Variants in SMIM36 observed in about 807,000 individuals in gnomAD.
SMIM36 encodes small integral membrane protein 36.
chr17:55,496,938 T>A (rs1909818767), intron 1 of SMIM36, among the ~76,000 whole-genome samples: 1 of 152,178 alleles, frequency 6.6e-6, no homozygotes, highest in South Asian at 2.1e-4. Flanking sequence ...AAAATAAAAA[T>A]AACGGTTCCT....
intron 1 of SMIM36, among the ~76,000 whole-genome samples, chr17:55,505,202 G>T (rs1161767349): frequency 6.1e-4 from 59 of 95,982 alleles, no homozygotes; most frequent in African/African-American, 2.5e-3. Flanking sequence ...TAGAAAAAGA[G>T]GGAATCCTCC....
chr17:55,461,894 G>A (rs1466124576), intron 4 of SMIM36, among the ~76,000 whole-genome samples: 1 of 152,126 alleles, frequency 6.6e-6, no homozygotes, highest in Non-Finnish European at 1.5e-5. Flanking sequence ...ACAATTCAGG[G>A]CAGAGAATTC....
chr17:55,529,995 T>A, the SMIM36 span, among the ~76,000 whole-genome samples: 1 of 152,170 alleles, frequency 6.6e-6, no homozygotes, highest in Non-Finnish European at 1.5e-5. Flanking sequence ...TGCAAATACA[T>A]CCCTTTGGGG....
chr17:55,451,823 G>T (rs1242771665), intron 4 of SMIM36, among the ~76,000 whole-genome samples: 1 of 152,164 alleles, frequency 6.6e-6, no homozygotes, highest in Non-Finnish European at 1.5e-5. Flanking sequence ...TAGACTGTAT[G>T]CAGGGGCTGA....
At position 55,497,398 on chromosome 17, in the gene SMIM36, G is replaced by T. The variant is rs536432389; in HGVS notation, c.*174+13481C>A. 2.0e-5 allele frequency among the ~76,000 whole-genome samples: 3 copies of T among 152,242 alleles called. No individual in the cohort carries two copies. In the South Asian group the frequency reaches 6.2e-4, roughly 32 times the overall value. On this transcript the variant is annotated intron_variant, in intron 1 of 4. Coordinates refer to ENST00000636752, the Ensembl canonical transcript of SMIM36. ...TCCTGCCTTAGTATCCTGAGTAGCT[G>T]AAATTACAGGCAAGCGCCACCACGC... is the stretch of plus-strand genomic sequence containing the variant.
chr17:55,521,381 TTCC>T, the SMIM36 span, among the ~76,000 whole-genome samples: 1 of 152,232 alleles, frequency 6.6e-6, no homozygotes, highest in Non-Finnish European at 1.5e-5. Flanking sequence ...ATGTGATCAC[TTCC>T]CTGGTCTGCT....
chr17:55,456,488 C>T (rs539310180), intron 4 of SMIM36, among the ~76,000 whole-genome samples: 13 of 152,296 alleles, frequency 8.5e-5, no homozygotes, highest in Admixed American at 3.3e-4. Context: ...TCAATTCTTC[C>T]ATATGACTTA....
upstream of SMIM36, among the ~76,000 whole-genome samples, chr17:55,514,225 T>C (rs914414196): frequency 2.6e-5 from 4 of 152,022 alleles, no homozygotes; most frequent in African/African-American, 7.3e-5. Context: ...GGCTGCTAAA[T>C]AAAGAAAAAA....
At chr17:55,486,330 C>T (rs150607254) in intron 1 of SMIM36, among the ~76,000 whole-genome samples, 1 of 152,288 alleles carries the variant, frequency 6.6e-6, no homozygotes, top group African/African-American at 2.4e-5. Context: ...AGCTATGGCT[C>T]CCCGCCCAGT....
At chr17:55,473,101 C>T (rs1212920321) in intron 3 of SMIM36, among the ~76,000 whole-genome samples, 2 of 152,100 alleles carry the variant, frequency 1.3e-5, no homozygotes, top group Non-Finnish European at 2.9e-5. Flanking sequence ...ACTCTTCCTG[C>T]CTCACAAGCT....
chr17:55,451,997 G>T (rs1451065464), intron 4 of SMIM36, among the ~76,000 whole-genome samples: 1 of 151,436 alleles, frequency 6.6e-6, no homozygotes, highest in Non-Finnish European at 1.5e-5. Context: ...CAACTTGGGA[G>T]GCTGAGGAGG....
chr17:55,515,369 T>TTTTTTC (rs1365308062), upstream of SMIM36, among the ~76,000 whole-genome samples: 2 of 152,186 alleles, frequency 1.3e-5, no homozygotes, highest in African/African-American at 4.8e-5. Context: ...GGAGAAATAC[T>TTTTTTC]GCCATATTTT....
chr17:55,478,976 G>C (rs1224401884), intron 2 of SMIM36, among the ~76,000 whole-genome samples, 163 bp from the exon 3 acceptor site: 1 of 152,168 alleles, frequency 6.6e-6, no homozygotes, highest in African/African-American at 2.4e-5. Context: ...TGGGAAGGCT[G>C]TTTTCCTGTG....
At chr17:55,500,906 TATAATATA>T (rs1909913329) in intron 1 of SMIM36, among the ~76,000 whole-genome samples, 1 of 25,584 alleles carries the variant, frequency 3.9e-5, no homozygotes, top group Admixed American at 7.4e-4. Flanking sequence ...TATATTATAT[TATAATATA>T]TTATAATATA....
chr17:55,520,485 G>T, the SMIM36 span, among the ~76,000 whole-genome samples: 1 of 152,102 alleles, frequency 6.6e-6, no homozygotes. Flanking sequence ...GCACTTTGGG[G>T]CTAAGTAAAA....
At position 55,501,846 on chromosome 17, in the gene SMIM36, C is replaced by T. The variant is rs546891932; in HGVS notation, c.*174+9033G>A. On this transcript the variant is annotated intron_variant, in intron 1 of 4. Coordinates refer to ENST00000636752, the Ensembl canonical transcript of SMIM36. ...GTTCATCTCACTAGGGAGTGCCAGA[C>T]GGTGGGCGCAGGCCAGTGGGTGCGC... Among the ~76,000 whole-genome samples the T allele has an allele frequency of 7.4e-4, 110 of 148,888 alleles. 1 individual carries two copies. The highest frequency in any genetic ancestry group is 2.1e-3 in the African/African-American group (86 of 40,148).
In SMIM36 at chr17:55,460,629, G is replaced by A. The variant is rs1042554792; in HGVS notation, c.*531+6516C>T. On this transcript the variant is annotated intron_variant, in intron 4 of 4. Coordinates refer to ENST00000636752, the Ensembl canonical transcript of SMIM36. ...TCCCAGCACTTTGGGAGGCCGAGGCGGGCAGATCACGAGGTCAGGAGATCG... is the reference window on the plus strand; with the variant it reads ...TCCCAGCACTTTGGGAGGCCGAGGCAGGCAGATCACGAGGTCAGGAGATCG... Among the ~76,000 whole-genome samples, 12 of 151,860 alleles carry A rather than the reference G, an allele frequency of 7.9e-5. 1 individual carries two copies. The highest frequency in any genetic ancestry group is 3.3e-4 in the Admixed American group (5 of 15,254).
intron 1 of SMIM36, among the ~76,000 whole-genome samples, chr17:55,486,735 C>G (rs1446164843): frequency 6.6e-6 from 1 of 152,198 alleles, no homozygotes; most frequent in African/African-American, 2.4e-5. Context: ...CTAAGAATTT[C>G]ATCTCCAAGT....
the SMIM36 span, among the ~76,000 whole-genome samples, chr17:55,530,876 G>A: frequency 2.0e-5 from 3 of 152,166 alleles, no homozygotes; most frequent in Admixed American, 6.5e-5. Flanking sequence ...ATAAGTGACA[G>A]GTTGTTTTTT....
Sources: gnomAD v4.1 joint callset for allele counts (sites outside exome capture counted in the v4.1 genomes callset) on GRCh38, gnomAD v4.1.1 for gene constraint, MANE v1.5 for transcripts, NCBI Gene and HGNC (gene_info 2026-07-23, HGNC 2026-07-21) for gene names.